The following ATL1 variants were observed in gnomAD, a reference collection of about 807,000 sequenced individuals.
ATL1 encodes atlastin-1.
Under a neutral mutation model 75.5 loss-of-function variants are expected in ATL1, and 31 were observed. The ratio of observed to expected loss-of-function variants is 0.41; its 90% CI spans 0.31 to 0.55. ATL1 has a LOEUF of 0.55. Among genes scored for constraint, ATL1 ranks in the 20% least tolerant of loss-of-function variants. ATL1 has a pLI of 0.27. For synonymous variants in ATL1, 226 were observed against 233.3 expected, an observed-to-expected ratio of 0.97 and a Z score of 0.28; for missense variants, 405 against 662.6, an observed-to-expected ratio of 0.61 and a Z score of 4.27.
chr14:50,540,673 G>C (rs901348186), intron 1 of ATL1, among the ~76,000 whole-genome samples: 1 of 152,176 alleles, frequency 6.6e-6, no homozygotes, highest in South Asian at 2.1e-4. Flanking sequence ...AGAAAGTCAA[G>C]TGGGACTAAA....
In ATL1 at chr14:50,632,906, C is replaced by CA. The variant is rs2039597717; in HGVS notation, c.*573dup. The CA allele has an allele frequency of 6.5e-6, 1 of 152,760 alleles. No individual in the cohort carries two copies. The highest frequency in any genetic ancestry group is 2.4e-5 in the African/African-American group (1 of 41,380). 9.5% of individuals were successfully genotyped at this position (152,760 alleles called of 1,614,324 possible). ...TATAAACCTCTTGATAAAAAATGCA[C>CA]AAAAAATCACTTTGTATATGTGAGT... On this transcript the variant is annotated 3_prime_UTR_variant, in exon 14 of 14. Transcript: ENST00000358385.
intron 1 of ATL1, among the ~76,000 whole-genome samples, chr14:50,547,125 A>C (rs1241323042): frequency 6.6e-6 from 1 of 152,158 alleles, no homozygotes; most frequent in Non-Finnish European, 1.5e-5. Flanking sequence ...AGGCTATAAA[A>C]ATGGTTAACA....
chr14:50,624,664 G>C (rs2039499696), intron 11 of ATL1, among the ~76,000 whole-genome samples: 1 of 152,118 alleles, frequency 6.6e-6, no homozygotes, highest in South Asian at 2.1e-4. Context: ...AAATGACTAA[G>C]CTTAGTGAGG....
At chr14:50,594,155 A>T (rs1033828411) in intron 5 of ATL1, among the ~76,000 whole-genome samples, 3 of 152,228 alleles carry the variant, frequency 2.0e-5, no homozygotes, top group African/African-American at 4.8e-5. Flanking sequence ...AAAGGGGAAG[A>T]AGGCACCTTC....
chr14:50,629,105 C>T (rs1229686233), intron 12 of ATL1, among the ~76,000 whole-genome samples: 1 of 152,170 alleles, frequency 6.6e-6, no homozygotes, highest in Non-Finnish European at 1.5e-5. Flanking sequence ...TTAACATTAT[C>T]TCATATTTAC....
intron 1 of ATL1, among the ~76,000 whole-genome samples, chr14:50,573,371 A>T (rs922707467): frequency 1.3e-5 from 2 of 152,238 alleles, no homozygotes; most frequent in Non-Finnish European, 2.9e-5. Context: ...TATGGTAGCC[A>T]TTAGTCATAT....
At chr14:50,613,452 C>G (rs1352014806) in intron 7 of ATL1, 101 bp downstream of exon 7, 3 of 845,680 alleles carry the variant, frequency 3.5e-6, no homozygotes, top group Admixed American at 3.9e-5. Flanking sequence ...TAGCCGCAAT[C>G]TCATTTGTTA....
intron 1 of ATL1, among the ~76,000 whole-genome samples, chr14:50,536,436 CAAAAAAAAA>C (rs34686813): frequency 1.9e-5 from 2 of 107,242 alleles, no homozygotes; most frequent in Non-Finnish European, 4.0e-5. Context: ...AACTCTGTCT[CAAAAAAAAA>C]AAAAAAAAAA....
At chr14:50,550,714 T>G (rs944595422) in intron 1 of ATL1, among the ~76,000 whole-genome samples, 2 of 152,084 alleles carry the variant, frequency 1.3e-5, no homozygotes, top group Non-Finnish European at 2.9e-5. Flanking sequence ...CAGACCACAG[T>G]GAAATAAAAC....
chr14:50,629,208 C>T (rs2039553376), intron 12 of ATL1, among the ~76,000 whole-genome samples: 1 of 152,084 alleles, frequency 6.6e-6, no homozygotes, highest in African/African-American at 2.4e-5. Flanking sequence ...TTAAAAACTT[C>T]CAAAAGCAGT....
intron 12 of ATL1, 62 bp from the exon 13 acceptor site, chr14:50,629,933 A>G: frequency 7.8e-7 from 1 of 1,285,498 alleles, no homozygotes; most frequent in Non-Finnish European, 1.1e-6. Flanking sequence ...GTTGATTATA[A>G]TGCTGTTAAT....
At chr14:50,630,169 C>T (rs1566736537) in intron 13 of ATL1, among the ~76,000 whole-genome samples, 160 bp downstream of exon 13, 1 of 152,090 alleles carries the variant, frequency 6.6e-6, no homozygotes, top group Non-Finnish European at 1.5e-5. Flanking sequence ...TTAACATGGT[C>T]TTAAAATATT....
intron 1 of ATL1, among the ~76,000 whole-genome samples, chr14:50,537,428 T>C (rs1009193831): frequency 6.6e-6 from 1 of 152,148 alleles, no homozygotes; most frequent in Non-Finnish European, 1.5e-5. Context: ...GAAAGGGAAA[T>C]GTGGGGTCAG....
At position 50,548,450 on chromosome 14, in the gene ATL1, G is replaced by A. The variant is rs529017998; in HGVS notation, c.-139-11677G>A. On this transcript the variant is annotated intron_variant, in intron 1 of 13. Coordinates refer to the ATL1 transcript ENST00000441560. ...AAGTCACTAGAGATGCCACAAGGATGACTTAGGGTTTGTGGCAAAAGCAGC... is the reference window on the plus strand; with the variant it reads ...AAGTCACTAGAGATGCCACAAGGATAACTTAGGGTTTGTGGCAAAAGCAGC... Among the ~76,000 whole-genome samples the A allele has an allele frequency of 3.9e-5, 6 of 152,308 alleles. No homozygotes were observed. The East Asian group carries it at 9.7e-4, about 25-fold the overall frequency.
chr14:50,593,946 G>C, intron 5 of ATL1, 50 bp downstream of exon 5: 2 of 1,317,330 alleles, frequency 1.5e-6, no homozygotes, highest in East Asian at 2.3e-5. Context: ...TTTGAAACAT[G>C]TATAGCAGAA....
At chr14:50,589,013 G>A (rs930063226) in intron 2 of ATL1, among the ~76,000 whole-genome samples, 4 of 152,058 alleles carry the variant, frequency 2.6e-5, no homozygotes, top group Admixed American at 2.6e-4. Flanking sequence ...CACTATGGTG[G>A]ATACCAAAGA....
rs539368058 is a variant in ATL1 at position 50,619,781 on chromosome 14, C to T, written c.863-818C>T. On this transcript the variant is annotated intron_variant, in intron 8 of 13. Transcript: ENST00000358385. ...GCATCATTGTCACTATCTTTTTGAA[C>T]TCTGCAGTCCAGTTACCACAGCTTA... Among the ~76,000 whole-genome samples the T allele has an allele frequency of 1.8e-4, 27 of 152,240 alleles. No individual in the cohort carries two copies. In the South Asian group the frequency reaches 3.1e-3, roughly 18 times the overall value.
chr14:50,613,108 G>C, intron 6 of ATL1, 151 bp from the exon 7 acceptor site: 1 of 670,532 alleles, frequency 1.5e-6, no homozygotes, highest in Non-Finnish European at 2.7e-6. Context: ...AGACTGCCCA[G>C]ACACTTTCAA....
intron 6 of ATL1, among the ~76,000 whole-genome samples, chr14:50,602,672 A>G (rs1380335874): frequency 1.3e-5 from 2 of 152,050 alleles, no homozygotes; most frequent in Non-Finnish European, 2.9e-5. Flanking sequence ...GAAGTTCCTG[A>G]GCCTTGGTTC....
Sources: allele counts gnomAD v4.1 joint callset (sites outside exome capture counted in the v4.1 genomes callset), GRCh38; gene constraint gnomAD v4.1.1; transcripts MANE v1.5; gene names NCBI Gene and HGNC (gene_info 2026-07-23, HGNC 2026-07-21).